Variants in TBC1D20 observed in about 807,000 individuals in gnomAD.
TBC1D20 encodes the protein chromosome 20 open reading frame 140.
Under a neutral mutation model 41.6 loss-of-function variants are expected in TBC1D20, and 12 were observed. That is an observed-to-expected ratio of 0.29 (90% CI 0.18 to 0.47). The LOEUF (loss-of-function observed/expected upper bound fraction) is 0.47. Among genes scored for constraint, TBC1D20 ranks in the 20% least tolerant of loss-of-function variants. The pLI is 1.00. For missense variants in TBC1D20, 421 were observed against 517.4 expected, an observed-to-expected ratio of 0.81 and a Z score of 1.81; for synonymous variants, 205 against 204.8, an observed-to-expected ratio of 1.00 and a Z score of -0.01.
chr20:440,174 T>A, intron 6 of TBC1D20, 74 bp downstream of exon 6: 1 of 1,547,756 alleles, frequency 6.5e-7, no homozygotes, highest in Non-Finnish European at 8.7e-7. Context: ...ATCCCCAGGT[T>A]TCCCTTCAGG....
rs2017153869 is a variant in TBC1D20, at chr20:438,150, A to G, written c.*436T>C. On this transcript the variant is annotated 3_prime_UTR_variant, in exon 8 of 8. Transcript: ENST00000354200. ...TCCCAAGCCTGACTCCTTCAGCAGC[A>G]GCCCCCTCCTTCTGTGTCCATCTGA... The G allele has an allele frequency of 6.0e-6, 1 of 166,994 alleles. No homozygotes were observed. The highest frequency in any genetic ancestry group is 5.6e-5 in the Admixed American group (1 of 17,852). The allele number at this position is 166,994 out of a possible 1,614,324, so 10.3% of individuals were successfully genotyped here. A position where few individuals can be genotyped will look rare whatever the true frequency, so the allele number is the denominator to read the frequency against.
chr20:452,801 A>G (rs1455660453), intron 1 of TBC1D20, among the ~76,000 whole-genome samples: 1 of 152,218 alleles, frequency 6.6e-6, no homozygotes, highest in South Asian at 2.1e-4. Flanking sequence ...CATCTTCCCC[A>G]GCAATGTTCT....
At chr20:456,287 C>G (rs115464662) in intron 1 of TBC1D20, among the ~76,000 whole-genome samples, 1,707 of 152,284 alleles carry the variant, frequency 0.011, 27 homozygotes, top group African/African-American at 0.038. Flanking sequence ...CAGCATAACA[C>G]CTAGTCAATT....
rs1440378627 is a variant in TBC1D20, at chr20:439,791, A to AC, written c.768+456dup. On this transcript the variant is annotated intron_variant, in intron 6 of 7. Transcript: ENST00000354200. The surrounding 1 kb of genome is among the most constrained non-coding windows in gnomAD (Gnocchi z 4.6). Reference sequence around the variant, plus strand: ...AGGACTTCCCTGAATTCCCATCTCCACCCCATCCCTCAAGACCCTTCTACT... The same window carrying AC: ...AGGACTTCCCTGAATTCCCATCTCCACCCCCATCCCTCAAGACCCTTCTACT... Among the ~76,000 whole-genome samples the AC allele has an allele frequency of 6.6e-6, 1 of 151,934 alleles. No homozygotes were observed. The highest frequency in any genetic ancestry group is 2.4e-5 in the African/African-American group (1 of 41,358).
intron 1 of TBC1D20, among the ~76,000 whole-genome samples, chr20:459,485 T>C (rs887930792): frequency 6.6e-6 from 1 of 152,212 alleles, no homozygotes; most frequent in African/African-American, 2.4e-5. Context: ...AGTAGAGGTC[T>C]TGGCTATCAT....
At chr20:449,565 C>T (rs974177400) in intron 1 of TBC1D20, among the ~76,000 whole-genome samples, 3 of 151,976 alleles carry the variant, frequency 2.0e-5, no homozygotes, top group African/African-American at 7.2e-5. Context: ...CACTGCACTC[C>T]AGCCTGGGCG....
intron 3 of TBC1D20, among the ~76,000 whole-genome samples, chr20:443,860 T>C (rs542734407): frequency 1.3e-5 from 2 of 152,202 alleles, no homozygotes; most frequent in East Asian, 1.9e-4. Flanking sequence ...GGGGTGGCTC[T>C]TGCCTGTAAT....
Position 438,611 on chromosome 20 carries a change from T to G in TBC1D20, c.1187A>C (p.Lys396Thr), listed in dbSNP as rs1338812886. 6.2e-7 allele frequency: 1 copy of G among 1,614,172 alleles called. No individual in the cohort carries two copies. The highest frequency in any genetic ancestry group is 8.5e-7 in the Non-Finnish European group (1 of 1,179,988). Residue 396 changes from lysine to threonine, a missense_variant, in exon 8 of 8, where the codon AAG (lysine) becomes ACG (threonine). By Grantham distance (78) the Lys-to-Thr change is moderately conservative. This residue lies in a region of TBC1D20 where 161 missense variants were observed against 182.7 expected (regional missense o/e 0.88). Coordinates refer to ENST00000354200, the MANE Select transcript of TBC1D20 (RefSeq NM_144628.4). ...TCAGGGAAACAGCTGCAGCTGAAACTTAGGGGCCCATTCCAGGGCACTTTT... is the reference window on the plus strand; with the variant it reads ...TCAGGGAAACAGCTGCAGCTGAAACGTAGGGGCCCATTCCAGGGCACTTTT... ...VVKSALEWAP[K>T]FQLQLFP is the part of the protein sequence containing the mutation.
At chr20:456,571 CTTTTT>C (rs11475018) in intron 1 of TBC1D20, among the ~76,000 whole-genome samples, 1 of 150,080 alleles carries the variant, frequency 6.7e-6, no homozygotes, top group African/African-American at 2.5e-5. Context: ...TTTTCTTCTT[CTTTTT>C]TTTTGAGACG....
intron 1 of TBC1D20, among the ~76,000 whole-genome samples, chr20:456,933 ATTTTT>A (rs11471255): frequency 4.7e-5 from 6 of 128,198 alleles, no homozygotes; most frequent in Non-Finnish European, 6.5e-5. Context: ...CCTTCTTTTA[ATTTTT>A]TTTTTTTTTT....
chr20:460,473 ACCAGAAGACC>A (rs2017611013), intron 1 of TBC1D20, among the ~76,000 whole-genome samples: 3 of 151,942 alleles, frequency 2.0e-5, no homozygotes, highest in African/African-American at 7.3e-5. Flanking sequence ...CCACGTCTGT[ACCAGAAGACC>A]ACAGCAGGAG....
intron 1 of TBC1D20, among the ~76,000 whole-genome samples, chr20:460,683 T>C (rs1216266119): frequency 1.3e-5 from 2 of 152,182 alleles, no homozygotes; most frequent in African/African-American, 4.8e-5. Flanking sequence ...AAAAACAGTC[T>C]AGTAAGTAAA....
intron 1 of TBC1D20, among the ~76,000 whole-genome samples, chr20:456,217 C>G (rs567464656): frequency 3.9e-4 from 59 of 152,222 alleles, no homozygotes; most frequent in African/African-American, 1.4e-3. Flanking sequence ...TGCACTCCAG[C>G]CTGGGTGATA....
chr20:445,185 G>T, intron 2 of TBC1D20, 55 bp from the exon 3 acceptor site: 1 of 1,374,798 alleles, frequency 7.3e-7, no homozygotes, highest in Non-Finnish European at 1.0e-6. Flanking sequence ...CAGACCAGAA[G>T]CAAAACATTC....
intron 1 of TBC1D20, among the ~76,000 whole-genome samples, chr20:461,657 C>T (rs559523774): frequency 1.3e-5 from 2 of 152,332 alleles, no homozygotes; most frequent in East Asian, 1.9e-4. Context: ...CCATGGTGCC[C>T]GGCCGCTTTT....
At chr20:440,525 C>T in intron 5 of TBC1D20, 136 bp from the exon 6 acceptor site, 1 of 1,061,726 alleles carries the variant, frequency 9.4e-7, no homozygotes, top group Non-Finnish European at 1.3e-6. Flanking sequence ...AATTCAGCAT[C>T]TTCTCCTTAC....
chr20:440,284 G>A lies in TBC1D20; in HGVS notation c.732C>T (p.Ala244=). The change falls in exon 6 of 8, where the codon GCC becomes GCT. Residue 244 remains alanine, a synonymous_variant. Coordinates refer to ENST00000354200, the MANE Select transcript of TBC1D20 (RefSeq NM_144628.4). ...HVVRLYDFFL[A]CHPLMPIYFA... ...AGTAAATCGGCATCAGTGGGTGGCA[G>A]GCCAGGAAGAAGTCATATAACCGCA... 6.2e-7 allele frequency: 1 copy of A among 1,613,918 alleles called. No homozygotes were observed. Among genetic ancestry groups the A allele is most frequent in the Non-Finnish European group, 8.5e-7 (1 of 1,179,938 alleles).
rs752603189 is a variant in TBC1D20, at chr20:453,484, AAAC to A, written c.71-5413_71-5411del. ...CGACAAGAGCGAAACTCCGTCTCAA[AAAC>A]AACAACAACAACGACAGCAACCACG... On this transcript the variant is annotated intron_variant, in intron 1 of 7. Coordinates refer to ENST00000354200, the MANE Select transcript of TBC1D20 (RefSeq NM_144628.4). 1.6e-4 allele frequency among the ~76,000 whole-genome samples: 24 copies of A among 148,162 alleles called. 1 individual carries two copies. The highest frequency in any genetic ancestry group is 2.5e-4 in the Non-Finnish European group (17 of 67,270).
Position 462,328 on chromosome 20 carries a change from T to C in TBC1D20, c.70+8A>G. ...GGCCGCTCCCGGCGCCCCGGTCGGC[T>C]TCCGTACCTGCCTTCTCCGCGCCGC... On this transcript the variant is annotated splice_region_variant and intron_variant, in intron 1 of 7. Transcript: ENST00000354200. 7.7e-7 allele frequency: 1 copy of C among 1,297,044 alleles called. No homozygotes were observed. The highest frequency in any genetic ancestry group is 3.7e-5 in the East Asian group (1 of 27,236). 80.3% of individuals were successfully genotyped at this position (1,297,044 alleles called of 1,614,324 possible). A position where few individuals can be genotyped will look rare whatever the true frequency, so the allele number is the denominator to read the frequency against.
Sources: gnomAD v4.1 joint callset for allele counts (sites outside exome capture counted in the v4.1 genomes callset) on GRCh38, gnomAD v4.1.1 for gene constraint, gnomAD v4.1.1 regional missense constraint, Gnocchi (gnomAD v3.1) non-coding constraint, MANE v1.5 for transcripts, NCBI Gene and HGNC (gene_info 2026-07-23, HGNC 2026-07-21) for gene names.